The following BMS1 variants were observed in gnomAD, a reference collection of about 807,000 sequenced individuals.
BMS1 encodes ribosome biogenesis protein BMS1 homolog.
A neutral mutation model predicts 138.7 loss-of-function variants in BMS1; 53 were observed. The observed-to-expected ratio is 0.38, with a 90% CI of 0.31 to 0.48. BMS1 has a LOEUF of 0.48. Among genes scored for constraint, BMS1 ranks in the 20% least tolerant of loss-of-function variants. The pLI is 0.97. For synonymous variants in BMS1, 504 were observed against 539.9 expected, an observed-to-expected ratio of 0.93 and a Z score of 0.92; for missense variants, 1,360 against 1,565.5, an observed-to-expected ratio of 0.87 and a Z score of 2.22.
In BMS1 at chr10:42,834,584, A is replaced by G. The variant is rs1167255240; in HGVS notation, c.*3488A>G. ...TATTGTACATTTTTATAATCCTTTA[A>G]CAAGACAAAAGGTTGAGATGTTGGA... On this transcript the variant is annotated 3_prime_UTR_variant, in exon 23 of 23. Transcript: ENST00000374518. The G allele has an allele frequency of 1.3e-5, 2 of 152,150 alleles. No individual in the cohort carries two copies. The highest frequency in any genetic ancestry group is 6.5e-5 in the Admixed American group (1 of 15,268). 9.4% of individuals were successfully genotyped at this position (152,150 alleles called of 1,614,324 possible). A position where few individuals can be genotyped will look rare whatever the true frequency, so the allele number is the denominator to read the frequency against.
chr10:42,830,642 C>T (rs949741472), intron 22 of BMS1, among the ~76,000 whole-genome samples: 11 of 152,022 alleles, frequency 7.2e-5, no homozygotes, highest in African/African-American at 1.4e-4. Context: ...CCTTCTGTCT[C>T]GGTTAGCTGC....
At chr10:42,800,525 ATTTTTTT>A (rs71533043) in intron 12 of BMS1, among the ~76,000 whole-genome samples, 2 of 131,324 alleles carry the variant, frequency 1.5e-5, no homozygotes, top group African/African-American at 5.7e-5. Flanking sequence ...TAAATGCTTG[ATTTTTTT>A]TTTTTTTTTT....
Position 42,793,893 on chromosome 10 carries a change from C to T in BMS1, c.1131C>T (p.Ile377=). ...CCCATGAGCTGGTCCAGAGTCTCAT[C>T]TCTACCCACTCCACCATTGATGCCA... ...GPTHELVQSL[I]STHSTIDAKM... is the part of the protein sequence containing the mutation. The change falls in exon 9 of 23, where the codon ATC becomes ATT. Residue 377 remains isoleucine (I), a synonymous_variant. Coordinates refer to ENST00000374518, the MANE Select transcript of BMS1 (RefSeq NM_014753.4). 1 of 1,611,896 alleles carries T rather than the reference C, an allele frequency of 6.2e-7. No individual in the cohort carries two copies. Among genetic ancestry groups the T allele is most frequent in the African/African-American group, 1.3e-5 (1 of 74,930 alleles).
chr10:42,817,490 C>T lies in BMS1; in HGVS notation c.2576C>T (p.Ala859Val), dbSNP rs772835146. The change falls in exon 15 of 23, where the codon GCA (alanine) becomes GTA (valine). Residue 859 changes from alanine to valine, a missense_variant. Around this residue, in one of 3 missense-constraint regions of BMS1, gnomAD observed 425 missense variants for 568.3 expected, o/e 0.75. Coordinates refer to ENST00000374518, the MANE Select transcript of BMS1 (RefSeq NM_014753.4). The stretch of plus-strand genomic sequence containing the variant: ...CTTAAAGGAGAAATGCAGAAACAAG[C>T]ACAGGTGAGAAACCTCAGTTCCTCT... ...DDLKGEMQKQ[A>V]QLNRAEFEDQ... 12 of 1,599,286 alleles carry T rather than the reference C, an allele frequency of 7.5e-6. No individual in the cohort carries two copies. The South Asian group carries it at 1.4e-4, about 18-fold the overall frequency.
intron 13 of BMS1, among the ~76,000 whole-genome samples, chr10:42,815,203 A>C (rs1381737958): frequency 6.6e-6 from 1 of 152,198 alleles, no homozygotes; most frequent in Non-Finnish European, 1.5e-5. Context: ...AAATGAGGAC[A>C]TATCATTATT....
rs753650932 is a variant in BMS1, at chr10:42,793,951, G to C, written c.1189G>C (p.Asp397His). Reference sequence around the variant, plus strand: ...TTCAAGTCGAGTGACGCTGTTTTCTGATTCCAAGCCACTTGGGTCAGAGGA... The same window carrying C: ...TTCAAGTCGAGTGACGCTGTTTTCTCATTCCAAGCCACTTGGGTCAGAGGA... The part of the protein sequence containing the change: ...MASSRVTLFS[D>H]SKPLGSEDID... Residue 397 changes from aspartate to histidine, a missense_variant, in exon 9 of 23, where the codon GAT becomes CAT. Asp to His is a moderately conservative substitution (Grantham distance 81). This residue lies in a region of BMS1 where 697 missense variants were observed against 686.2 expected (regional missense o/e 1.02). Coordinates refer to ENST00000374518, the MANE Select transcript of BMS1 (RefSeq NM_014753.4). The C allele has an allele frequency of 1.2e-6, 2 of 1,611,860 alleles. No individual in the cohort carries two copies. Among genetic ancestry groups the C allele is most frequent in the Non-Finnish European group, 1.7e-6 (2 of 1,179,800 alleles).
In BMS1 at chr10:42,784,260, C is replaced by G. The variant is rs983400472; in HGVS notation, c.-33-102C>G. ...CTTGTTCAGTGAACAAATACATCAT[C>G]TCTTCATAAAGAAATAAATGAAATT... On this transcript the variant is annotated intron_variant, in intron 1 of 22. Transcript: ENST00000374518. 2.3e-5 allele frequency: 19 copies of G among 829,662 alleles called. No homozygotes were observed. In the African/African-American group the frequency reaches 3.3e-4, roughly 14 times the overall value. The allele number at this position is 829,662 out of a possible 1,614,324, so 51.4% of individuals were successfully genotyped here. A position where few individuals can be genotyped will look rare whatever the true frequency, so the allele number is the denominator to read the frequency against.
At chr10:42,785,190 T>C (rs1473744528) in intron 2 of BMS1, among the ~76,000 whole-genome samples, 1 of 152,238 alleles carries the variant, frequency 6.6e-6, no homozygotes, top group East Asian at 1.9e-4. Context: ...TTAAAATCAC[T>C]CTTAAAACAG....
chr10:42,808,986 A>G (rs1842090793), intron 13 of BMS1, among the ~76,000 whole-genome samples: 1 of 152,154 alleles, frequency 6.6e-6, no homozygotes, highest in Non-Finnish European at 1.5e-5. Context: ...AAGCTATCCC[A>G]AGGCTTGTGA....
intron 4 of BMS1, among the ~76,000 whole-genome samples, chr10:42,789,738 G>A (rs1469188393): frequency 6.6e-6 from 1 of 151,824 alleles, no homozygotes; most frequent in Non-Finnish European, 1.5e-5. Context: ...TCTATGAGGC[G>A]ATTGAAAGAA....
At chr10:42,822,427 T>C (rs1229332966) in intron 19 of BMS1, among the ~76,000 whole-genome samples, 2 of 152,216 alleles carry the variant, frequency 1.3e-5, no homozygotes, top group African/African-American at 4.8e-5. Flanking sequence ...CTGCCACATA[T>C]TGAACTCATA....
At chr10:42,793,730 G>T (rs1589135110) in intron 8 of BMS1, 122 bp from the exon 9 acceptor site, 1 of 1,143,564 alleles carries the variant, frequency 8.7e-7, no homozygotes, top group African/African-American at 1.6e-5. Flanking sequence ...TCTGCTTTTT[G>T]AGGCATTAAG....
chr10:42,792,969 T>G lies in BMS1; in HGVS notation c.914T>G (p.Phe305Cys). The change falls in exon 8 of 23, where the codon TTT becomes TGT. Residue 305 changes from phenylalanine to cysteine, a missense_variant. Physicochemically the swap from Phe to Cys is radical, Grantham distance 205 (BLOSUM62 -2). This residue lies in a region of BMS1 where 697 missense variants were observed against 686.2 expected (regional missense o/e 1.02). Coordinates refer to ENST00000374518, the MANE Select transcript of BMS1 (RefSeq NM_014753.4). ...SQIHMPGVGD[F>C]AVSDISFLPD... ...TTCTGTCTTCCAGGGGTAGGAGATT[T>G]TGCCGTGAGTGACATCAGTTTCCTC... 1.2e-6 allele frequency: 2 copies of G among 1,610,948 alleles called. No homozygotes were observed. Among genetic ancestry groups the G allele is most frequent in the Non-Finnish European group, 1.7e-6 (2 of 1,178,972 alleles).
intron 13 of BMS1, among the ~76,000 whole-genome samples, chr10:42,805,237 G>A (rs1021245233): frequency 1.3e-5 from 2 of 152,136 alleles, no homozygotes; most frequent in Non-Finnish European, 2.9e-5. Flanking sequence ...ACCATCTGCT[G>A]AAAATCTATT....
In BMS1 at chr10:42,816,650, G is replaced by T. The variant is rs1409639928; in HGVS notation, c.2381G>T (p.Gly794Val). Reference protein sequence around the residue: ...EDLETGDVHKGKSGPNTQNED... With the variant: ...EDLETGDVHKVKSGPNTQNED... The stretch of plus-strand genomic sequence containing the variant: ...TTGGAAACAGGGGACGTGCACAAGG[G>T]AAAATCAGGCCCCAATACTCAGGTA... The change falls in exon 14 of 23, where the codon GGA becomes GTA. Residue 794 changes from glycine (G) to valine (V), a missense_variant. Around this residue, in one of 3 missense-constraint regions of BMS1, gnomAD observed 697 missense variants for 686.2 expected, o/e 1.02. Coordinates refer to ENST00000374518, the MANE Select transcript of BMS1 (RefSeq NM_014753.4). The T allele has an allele frequency of 1.2e-6, 2 of 1,611,642 alleles. No individual in the cohort carries two copies. Among genetic ancestry groups the T allele is most frequent in the South Asian group, 2.2e-5 (2 of 90,952 alleles).
rs1842795758 is a variant in BMS1 at position 42,831,309 on chromosome 10, A to C, written c.*213A>C. The C allele has an allele frequency of 1.9e-6, 1 of 536,956 alleles. No individual in the cohort carries two copies. Among genetic ancestry groups the C allele is most frequent in the Non-Finnish European group, 3.3e-6 (1 of 302,216 alleles). The allele number at this position is 536,956 out of a possible 1,614,324, so 33.3% of individuals were successfully genotyped here. A position where few individuals can be genotyped will look rare whatever the true frequency, so the allele number is the denominator to read the frequency against. ...GGGCTGTCGAGATTTAAAGTGATGTAAGCTGTGGTTATGTGGATTCTCTTA... is the reference window on the plus strand; with the variant it reads ...GGGCTGTCGAGATTTAAAGTGATGTCAGCTGTGGTTATGTGGATTCTCTTA... On this transcript the variant is annotated 3_prime_UTR_variant, in exon 23 of 23. Transcript: ENST00000374518.
chr10:42,821,542 C>CTTTTTTTTTT (rs34272995), intron 18 of BMS1, among the ~76,000 whole-genome samples: 2 of 68,594 alleles, frequency 2.9e-5, no homozygotes, highest in African/African-American at 6.2e-5. Flanking sequence ...CTCAAGGCGC[C>CTTTTTTTTTT]TTTTTTTTTT....
At chr10:42,815,307 C>T (rs1249510721) in intron 13 of BMS1, among the ~76,000 whole-genome samples, 1 of 152,094 alleles carries the variant, frequency 6.6e-6, no homozygotes, top group Non-Finnish European at 1.5e-5. Context: ...GTGGAGAGCA[C>T]CGATGAGTGT....
intron 4 of BMS1, 77 bp from the exon 5 acceptor site, chr10:42,790,246 C>T (rs1015157358): frequency 6.4e-5 from 92 of 1,440,464 alleles, no homozygotes; most frequent in Middle Eastern, 2.5e-4. Context: ...GGATTTTGCC[C>T]GTGGCCAGTT....
Sources: gnomAD v4.1 joint callset for allele counts (sites outside exome capture counted in the v4.1 genomes callset) on GRCh38, gnomAD v4.1.1 for gene constraint, gnomAD v4.1.1 regional missense constraint, MANE v1.5 for transcripts, NCBI Gene and HGNC (gene_info 2026-07-23, HGNC 2026-07-21) for gene names.